The following INTU variants were observed in gnomAD, a reference collection of about 807,000 sequenced individuals.
INTU encodes the protein inturned planar cell polarity protein, also known as protein inturned.
INTU carries 68 observed loss-of-function variants against 100.5 expected under a neutral mutation model. The ratio of observed to expected loss-of-function variants is 0.68; its 90% confidence interval spans 0.56 to 0.83. The LOEUF (loss-of-function observed/expected upper bound fraction) is 0.83, where lower values mean the gene tolerates loss of function less well. Ranked by LOEUF, INTU falls within the 40% of genes least tolerant of loss-of-function variation. The probability of loss-of-function intolerance (pLI) is 0.00; values close to 1 mark genes in which losing one functional copy is unlikely to be tolerated. For synonymous variants in INTU, 357 were observed against 395.7 expected (o/e 0.90, Z 1.16); for missense variants, 1,071 against 1,114.7 (o/e 0.96, Z 0.56).
chr4:127,700,048 A>T lies in INTU; in HGVS notation c.1488A>T (p.Ala496=). The part of the protein sequence containing the change: ...LDMALSDLEA[A]DFAELSEDYY... Reference sequence around the variant, plus strand: ...TGGCATTAAGTGACTTGGAGGCTGCAGATTTTGCAGAACTGGTAAGGGAAG... The same window carrying T: ...TGGCATTAAGTGACTTGGAGGCTGCTGATTTTGCAGAACTGGTAAGGGAAG... Residue 496 remains alanine (A), a synonymous_variant, in exon 9 of 16, where the codon GCA becomes GCT. Transcript: ENST00000335251. The T allele has an allele frequency of 6.2e-7, 1 of 1,607,046 alleles. No homozygotes were observed. The highest frequency in any genetic ancestry group is 8.5e-7 in the Non-Finnish European group (1 of 1,176,616).
intron 1 of INTU, 144 bp from the exon 2 acceptor site, chr4:127,643,377 A>T (rs889349063): frequency 1.8e-6 from 1 of 554,044 alleles, no homozygotes; most frequent in Non-Finnish European, 3.1e-6. Flanking sequence ...TAGAAATAGT[A>T]AGGATAATTT....
At position 127,705,646 on chromosome 4, in the gene INTU, A is replaced by G. The variant is rs1730845053; in HGVS notation, c.1622A>G (p.Tyr541Cys). 1.9e-6 allele frequency: 3 copies of G among 1,614,032 alleles called. No individual in the cohort carries two copies. Among genetic ancestry groups the G allele is most frequent in the Middle Eastern group, 1.7e-4 (1 of 6,058 alleles). Residue 541 changes from tyrosine to cysteine, a missense_variant, in exon 11 of 16, where the codon TAC (tyrosine) becomes TGC (cysteine). Transcript: ENST00000335251. ...PKDDLIDIAV[Y>C]CRHYCLLPLA... ...GATGATCTTATTGATATTGCCGTAT[A>G]CTGTCGCCACTATTGCCTGCTGCCT...
intron 15 of INTU, among the ~76,000 whole-genome samples, chr4:127,714,687 T>A (rs1394478449): frequency 6.6e-6 from 1 of 152,162 alleles, no homozygotes; most frequent in Non-Finnish European, 1.5e-5. Flanking sequence ...GCTACTCAGT[T>A]ATTCTCTATA....
At chr4:127,697,932 C>A (rs953839129) in intron 8 of INTU, among the ~76,000 whole-genome samples, 6 of 152,066 alleles carry the variant, frequency 3.9e-5, no homozygotes, top group African/African-American at 1.4e-4. Context: ...ACCAGCCTGA[C>A]CAACATGGAG....
intron 14 of INTU, among the ~76,000 whole-genome samples, chr4:127,712,210 A>G (rs1013125201): frequency 6.6e-6 from 1 of 152,198 alleles, no homozygotes; most frequent in African/African-American, 2.4e-5. Flanking sequence ...CTATGAAGCA[A>G]GTGGGCTGAA....
rs533978768 is a variant in INTU, at chr4:127,696,007, G to A, written c.1450-4003G>A. 3.3e-5 allele frequency among the ~76,000 whole-genome samples: 5 copies of A among 152,220 alleles called. No homozygotes were observed. In the South Asian group the frequency reaches 1.0e-3, roughly 32 times the overall value. ...GGATTACATTAACTGGTTTTTGAAT[G>A]TCAAACCTGCCTTGCATACCTGGGA... On this transcript the variant is annotated intron_variant, in intron 8 of 15. Transcript: ENST00000335251.
rs759987323 is a variant in INTU, at chr4:127,674,221, G to A, written c.1181+8G>A. 1 of 1,592,694 alleles carries A rather than the reference G, an allele frequency of 6.3e-7. No homozygotes were observed. The highest frequency in any genetic ancestry group is 8.6e-7 in the Non-Finnish European group (1 of 1,165,402). On this transcript the variant is annotated splice_region_variant and intron_variant, in intron 6 of 15. Coordinates refer to ENST00000335251, the MANE Select transcript of INTU (RefSeq NM_015693.4). Reference sequence around the variant, plus strand: ...TGGCCTGCCTGCTGAAGAGTAAGTTGAGGTTTTGCTTACCTTAAAATCATT... The same window carrying A: ...TGGCCTGCCTGCTGAAGAGTAAGTTAAGGTTTTGCTTACCTTAAAATCATT...
chr4:127,714,914 G>A (rs1731216100), intron 15 of INTU, among the ~76,000 whole-genome samples: 1 of 152,046 alleles, frequency 6.6e-6, no homozygotes, highest in African/African-American at 2.4e-5. Context: ...GGTGGGCAGT[G>A]GGCGGTATGG....
chr4:127,667,327 C>T (rs1289563289), intron 4 of INTU, among the ~76,000 whole-genome samples: 2 of 152,082 alleles, frequency 1.3e-5, no homozygotes, highest in Admixed American at 6.6e-5. Context: ...ATGCATGCTA[C>T]TAATAAGTGC....
Position 127,641,089 on chromosome 4 carries a change from A to G in INTU, c.147-2432A>G, listed in dbSNP as rs375882030. On this transcript the variant is annotated intron_variant, in intron 1 of 15. Transcript: ENST00000335251. Reference sequence around the variant, plus strand: ...CAAGAGTTTCTCACATATTTTTCCTACTTTCCATGTCTTCTACTATTGCTT... The same window carrying G: ...CAAGAGTTTCTCACATATTTTTCCTGCTTTCCATGTCTTCTACTATTGCTT... Among the ~76,000 whole-genome samples, 3 of 151,734 alleles carry G rather than the reference A, an allele frequency of 2.0e-5. No individual in the cohort carries two copies. The East Asian group carries it at 5.9e-4, about 30-fold the overall frequency.
At chr4:127,666,899 C>G (rs187824778) in intron 4 of INTU, among the ~76,000 whole-genome samples, 1 of 152,198 alleles carries the variant, frequency 6.6e-6, no homozygotes, top group African/African-American at 2.4e-5. Context: ...GGATGCATTT[C>G]CTTGTGTTGC....
chr4:127,653,173 C>A (rs1727986729), intron 2 of INTU, among the ~76,000 whole-genome samples: 1 of 144,224 alleles, frequency 6.9e-6, no homozygotes, highest in Non-Finnish European at 1.5e-5. Flanking sequence ...AAAAAACCAG[C>A]TCCTGGATTC....
At chr4:127,655,089 C>T (rs546648498) in intron 2 of INTU, among the ~76,000 whole-genome samples, 41 of 152,302 alleles carry the variant, frequency 2.7e-4, no homozygotes, top group Admixed American at 7.2e-4. Context: ...CCTTTAAGCA[C>T]TTCTCTATAC....
At position 127,655,393 on chromosome 4, in the gene INTU, G is replaced by A. The variant is rs201616214; in HGVS notation, c.683-1243G>A. 8.6e-5 allele frequency among the ~76,000 whole-genome samples: 13 copies of A among 150,868 alleles called. No homozygotes were observed. In the East Asian group the frequency reaches 2.5e-3, roughly 29 times the overall value. On this transcript the variant is annotated intron_variant, in intron 2 of 15. Transcript: ENST00000335251. ...TCTTTGATGATGGTGATGTACAGAT[G>A]GGTTTTTGGTGTGGATGTCCTTTCT...
intron 13 of INTU, 23 bp from the exon 14 acceptor site, chr4:127,710,890 C>T: frequency 7.1e-7 from 1 of 1,402,518 alleles, no homozygotes; most frequent in Non-Finnish European, 9.4e-7. Context: ...TTTTTCTTCT[C>T]TTTGATTTTT....
chr4:127,640,596 T>TACAC (rs1553969749), intron 1 of INTU, among the ~76,000 whole-genome samples: 2 of 39,838 alleles, frequency 5.0e-5, no homozygotes, highest in South Asian at 1.7e-3. Flanking sequence ...TATATACATA[T>TACAC]ACATAAACAC....
intron 5 of INTU, among the ~76,000 whole-genome samples, chr4:127,672,509 A>G (rs1004897530): frequency 6.7e-6 from 1 of 148,848 alleles, no homozygotes; most frequent in Non-Finnish European, 1.5e-5. Flanking sequence ...ACTGTAAAGA[A>G]TAGATGTTAT....
In INTU at chr4:127,721,231, G is replaced by A. The variant is rs1731341572; in HGVS notation, c.*4795G>A. The stretch of plus-strand genomic sequence containing the variant: ...ATTTTATTTCTCCTTCACTTATGAA[G>A]CTTAGTTCAGCCAGATATGAAATTC... On this transcript the variant is annotated 3_prime_UTR_variant, in exon 16 of 16. Coordinates refer to ENST00000335251, the MANE Select transcript of INTU (RefSeq NM_015693.4). The A allele has an allele frequency of 2.6e-5, 4 of 152,134 alleles. No individual in the cohort carries two copies. The South Asian group carries it at 8.3e-4, about 31-fold the overall frequency. 9.4% of individuals were successfully genotyped at this position (152,134 alleles called of 1,614,324 possible).
intron 5 of INTU, among the ~76,000 whole-genome samples, chr4:127,670,109 A>AATTTATGGGAGGAAAAGGCTC (rs1728855653): frequency 6.6e-6 from 1 of 151,872 alleles, no homozygotes; most frequent in Non-Finnish European, 1.5e-5. Context: ...TGCCATAGTT[A>AATTTATGGGAGGAAAAGGCTC]ATTTATGGGA....
Sources: gnomAD v4.1 joint callset for allele counts (sites outside exome capture counted in the v4.1 genomes callset) on GRCh38, gnomAD v4.1.1 for gene constraint, MANE v1.5 for transcripts, NCBI Gene and HGNC (gene_info 2026-07-23, HGNC 2026-07-21) for gene names.